Variants in CHGA observed in about 807,000 individuals in gnomAD.
CHGA encodes chromogranin-A.
CHGA carries 41 observed loss-of-function variants against 54.4 expected under a neutral mutation model. The ratio of observed to expected loss-of-function variants is 0.75; its 90% CI spans 0.59 to 0.98. The LOEUF (loss-of-function observed/expected upper bound fraction) is 0.98, where lower values mean the gene tolerates loss of function less well. CHGA is among the 50% of genes least tolerant of loss of function. The probability of loss-of-function intolerance (pLI) is 0.00; values close to 1 mark genes in which losing one functional copy is unlikely to be tolerated. For missense variants in CHGA, 576 were observed against 582.3 expected (o/e 0.99, Z 0.11); for synonymous variants, 249 against 232.8 (o/e 1.07, Z -0.63).
intron 7 of CHGA, among the ~76,000 whole-genome samples, chr14:92,934,004 A>C (rs1346234168): frequency 6.6e-6 from 1 of 152,068 alleles, no homozygotes; most frequent in African/African-American, 2.4e-5. Context: ...TCCAAGACTA[A>C]GGGGCTGTAG....
intron 7 of CHGA, among the ~76,000 whole-genome samples, chr14:92,934,273 G>A (rs1212047351): frequency 6.6e-6 from 1 of 152,188 alleles, no homozygotes; most frequent in Admixed American, 6.5e-5. Context: ...CAGAGTTCGG[G>A]ATCCTCTCAC....
At chr14:92,923,945 T>G (rs1031031971) in intron 1 of CHGA, among the ~76,000 whole-genome samples, 4 of 151,760 alleles carry the variant, frequency 2.6e-5, no homozygotes, top group Non-Finnish European at 5.9e-5. Context: ...CGCTCCCCGC[T>G]CCAAAGCACA....
rs564902629 is a variant in CHGA, at chr14:92,932,397, G to A, written c.836G>A (p.Gly279Glu). ...ESRSEALAVDGAGKPGAEEAQ... is the reference protein window; with the variant it reads ...ESRSEALAVDEAGKPGAEEAQ... ...CGGTCGGAGGCTCTGGCTGTGGATG[G>A]AGCTGGGAAGCCTGGGGCTGAGGAG... The change falls in exon 7 of 8, where the codon GGA (glycine) becomes GAA (glutamate). Residue 279 changes from glycine to glutamate, a missense_variant. Coordinates refer to ENST00000216492, the MANE Select transcript of CHGA (RefSeq NM_001275.4). The surrounding 1 kb of genome is among the most constrained non-coding windows in gnomAD (Gnocchi z 5.3). The A allele has an allele frequency of 6.3e-7, 1 of 1,582,718 alleles. No homozygotes were observed. Among genetic ancestry groups the A allele is most frequent in the African/African-American group, 1.3e-5 (1 of 74,690 alleles).
chr14:92,924,747 T>G (rs1886853869), intron 2 of CHGA, among the ~76,000 whole-genome samples: 1 of 152,258 alleles, frequency 6.6e-6, no homozygotes, highest in Admixed American at 6.5e-5. Flanking sequence ...TCATGGCTCC[T>G]GCACCCACGG....
intron 7 of CHGA, among the ~76,000 whole-genome samples, 173 bp from the exon 8 acceptor site, chr14:92,934,628 A>T (rs1026212391): frequency 6.6e-6 from 1 of 152,110 alleles, no homozygotes; most frequent in East Asian, 1.9e-4. Flanking sequence ...GTGCATAATG[A>T]TCCCGAGAGC....
intron 2 of CHGA, among the ~76,000 whole-genome samples, chr14:92,925,447 C>T (rs1886868795): frequency 6.6e-6 from 1 of 151,642 alleles, no homozygotes; most frequent in Admixed American, 6.6e-5. Flanking sequence ...CCATATTATA[C>T]CCAGCAGCCT....
At position 92,923,442 on chromosome 14, in the gene CHGA, G is replaced by A. The variant is rs1886825347; in HGVS notation, c.46+37G>A. ...CGGGGAGCTCGCGGGAGAGGGTTCC[G>A]GGCGCCCCTGCCCACCTTGAGGTCC... On this transcript the variant is annotated intron_variant, in intron 1 of 7. Transcript: ENST00000216492. The A allele has an allele frequency of 3.2e-6, 4 of 1,249,802 alleles. No individual in the cohort carries two copies. The Admixed American group carries it at 1.3e-4, about 40-fold the overall frequency. The allele number at this position is 1,249,802 out of a possible 1,614,324, so 77.4% of individuals were successfully genotyped here.
At position 92,924,245 on chromosome 14, in the gene CHGA, G is replaced by A. The variant is rs762066491; in HGVS notation, c.93G>A (p.Glu31=). ...GCCCTATGAATAAAGGGGATACCGA[G>A]GTAAGAAGGGGTGCTGGGGATGAGG... is the stretch of plus-strand genomic sequence containing the variant. ...VNSPMNKGDT[E]VMKCIVEVIS... is the part of the protein sequence containing the mutation. The change falls in exon 2 of 8, where the codon GAG becomes GAA. Residue 31 remains glutamate, a splice_region_variant and synonymous_variant. Transcript: ENST00000216492. 1.2e-6 allele frequency: 2 copies of A among 1,611,420 alleles called. No individual in the cohort carries two copies. The highest frequency in any genetic ancestry group is 1.7e-5 in the Admixed American group (1 of 59,678).
Position 92,932,985 on chromosome 14 carries a change from A to C in CHGA, c.1290+134A>C. ...GAAGTCTGGGGATGGAGAGATGCTC[A>C]GACCGGGGGCTCTCAGGGTGGGAGA... is the stretch of plus-strand genomic sequence containing the variant. On this transcript the variant is annotated intron_variant, in intron 7 of 7. Coordinates refer to ENST00000216492, the MANE Select transcript of CHGA (RefSeq NM_001275.4). This position sits in a 1 kb window ranked among gnomAD's most constrained non-coding sequence, Gnocchi z 5.3. 1 of 1,337,332 alleles carries C rather than the reference A, an allele frequency of 7.5e-7. No individual in the cohort carries two copies. The highest frequency in any genetic ancestry group is 9.9e-7 in the Non-Finnish European group (1 of 1,010,704). 82.8% of individuals were successfully genotyped at this position (1,337,332 alleles called of 1,614,324 possible).
Position 92,932,612 on chromosome 14 carries a change from G to T in CHGA, c.1051G>T (p.Glu351Ter). Residue 351 changes from glutamate to a stop codon, truncating the protein, a stop_gained, in exon 7 of 8, where the codon GAG becomes TAG. Transcript: ENST00000216492. LOFTEE classifies it high-confidence loss of function. This position sits in a 1 kb window ranked among gnomAD's most constrained non-coding sequence, Gnocchi z 5.3. ...GAGCAAGATGGACCAGCTGGCCAAGGAGCTGACGGCTGAGAAGCGGCTGGA... is the reference window on the plus strand; with the variant it reads ...GAGCAAGATGGACCAGCTGGCCAAGTAGCTGACGGCTGAGAAGCGGCTGGA... Reference protein sequence around the residue: ...RWSKMDQLAKELTAEKRLEGQ... With the variant: ...RWSKMDQLAK The T allele has an allele frequency of 6.3e-6, 10 of 1,584,136 alleles. No homozygotes were observed. The highest frequency in any genetic ancestry group is 1.3e-5 in the African/African-American group (1 of 74,716).
Position 92,932,775 on chromosome 14 carries a change from C to T in CHGA, c.1214C>T (p.Ala405Val), listed in dbSNP as rs1305910970. 1.8e-5 allele frequency: 29 copies of T among 1,589,594 alleles called. No homozygotes were observed. Among genetic ancestry groups the T allele is most frequent in the Middle Eastern group, 1.7e-4 (1 of 5,846 alleles). The change falls in exon 7 of 8, where the codon GCG becomes GTG. Residue 405 changes from alanine (A) to valine (V), a missense_variant. Ala to Val is a moderately conservative substitution (Grantham distance 64, BLOSUM62 0). Transcript: ENST00000216492. This position sits in a 1 kb window ranked among gnomAD's most constrained non-coding sequence, Gnocchi z 5.3. The stretch of plus-strand genomic sequence containing the variant: ...TCCTCCCGGGAGGACAGCCTTGAGG[C>T]GGGCCTGCCCCTCCAGGTCCGAGGC... ...RPSSREDSLE[A>V]GLPLQVRGYP...
In CHGA at chr14:92,934,946, G is replaced by A. The variant is rs915704824; in HGVS notation, c.*62G>A. The A allele has an allele frequency of 4.2e-6, 6 of 1,422,832 alleles. No homozygotes were observed. The African/African-American group carries it at 8.8e-5, about 21-fold the overall frequency. The allele number at this position is 1,422,832 out of a possible 1,614,324, so 88.1% of individuals were successfully genotyped here. A position where few individuals can be genotyped will look rare whatever the true frequency, so the allele number is the denominator to read the frequency against. The stretch of plus-strand genomic sequence containing the variant: ...TGGCCCTGGCTCTGCTGTCCCCTTG[G>A]CAGGTCCTGGCCAGATGGCCCGGAT... On this transcript the variant is annotated 3_prime_UTR_variant, in exon 8 of 8. Coordinates refer to ENST00000216492, the MANE Select transcript of CHGA (RefSeq NM_001275.4).
At chr14:92,924,585 T>C (rs1886851000) in intron 2 of CHGA, among the ~76,000 whole-genome samples, 1 of 152,196 alleles carries the variant, frequency 6.6e-6, no homozygotes, top group African/African-American at 2.4e-5. Flanking sequence ...TAGTTGTAGT[T>C]GTCCACAGAC....
intron 3 of CHGA, 146 bp from the exon 4 acceptor site, chr14:92,927,404 T>A: frequency 1.5e-6 from 1 of 659,818 alleles, no homozygotes; most frequent in Non-Finnish European, 2.7e-6. Context: ...ATTTCAAAAG[T>A]GTTATCTGAA....
At chr14:92,927,699 T>C in intron 4 of CHGA, 81 bp downstream of exon 4, 1 of 1,142,594 alleles carries the variant, frequency 8.8e-7, no homozygotes, top group Non-Finnish European at 1.3e-6. Flanking sequence ...ATTCAGCAAG[T>C]TCCTCTCTGG....
chr14:92,934,916 C>T lies in CHGA; in HGVS notation c.*32C>T, dbSNP rs1239237405. On this transcript the variant is annotated 3_prime_UTR_variant, in exon 8 of 8. Transcript: ENST00000216492. ...GGCTGGCAGGGCTGGCCCCAGGGCA[C>T]CCTGTGGCCCTGGCTCTGCTGTCCC... 1 of 1,517,456 alleles carries T rather than the reference C, an allele frequency of 6.6e-7. No homozygotes were observed. Among genetic ancestry groups the T allele is most frequent in the South Asian group, 1.2e-5 (1 of 80,868 alleles). 94.0% of individuals were successfully genotyped at this position (1,517,456 alleles called of 1,614,324 possible).
chr14:92,929,904 G>A (rs1886961597), intron 5 of CHGA, 89 bp downstream of exon 5: 10 of 985,568 alleles, frequency 1.0e-5, no homozygotes, highest in Middle Eastern at 2.7e-4. Context: ...CCAGTGAGTC[G>A]GGAGCCCCAC....
rs868674814 is a variant in CHGA at position 92,927,581 on chromosome 14, G to A, written c.219G>A (p.Gln73=). 1.9e-6 allele frequency: 3 copies of A among 1,613,770 alleles called. No homozygotes were observed. The highest frequency in any genetic ancestry group is 2.7e-5 in the African/African-American group (2 of 75,004). The change falls in exon 4 of 8, where the codon CAG becomes CAA. Residue 73 remains glutamine (Q), a synonymous_variant. Transcript: ENST00000216492. ...DERILSILRH[Q]NLLKELQDLA... is the part of the protein sequence containing the mutation. ...GGATCCTTTCCATTCTGAGACATCA[G>A]AATTTACTGAAGGAGCTCCAAGACC...
At chr14:92,929,503 G>C (rs886184617) in intron 4 of CHGA, among the ~76,000 whole-genome samples, 1 of 152,230 alleles carries the variant, frequency 6.6e-6, no homozygotes, top group East Asian at 1.9e-4. Flanking sequence ...TGAGTCTGGC[G>C]AGGCAGGGTG....
Sources: allele counts gnomAD v4.1 joint callset (sites outside exome capture counted in the v4.1 genomes callset), GRCh38; gene constraint gnomAD v4.1.1; non-coding constraint Gnocchi (gnomAD v3.1); transcripts MANE v1.5; gene names NCBI Gene and HGNC (gene_info 2026-07-23, HGNC 2026-07-21).